Variants in NAP1L4 observed in about 807,000 individuals in gnomAD.
NAP1L4 encodes the protein nucleosome assembly protein 1 like 4.
In NAP1L4, 15 loss-of-function variants were observed where a neutral mutation model predicts 58.2. The ratio of observed to expected loss-of-function variants is 0.26; its 90% CI spans 0.17 to 0.40. The LOEUF (loss-of-function observed/expected upper bound fraction) is 0.40. Ranked by LOEUF, NAP1L4 falls within the 10% of genes least tolerant of loss-of-function variation. NAP1L4 has a pLI of 1.00. For synonymous variants in NAP1L4, 171 were observed against 155.6 expected (o/e 1.10, Z -0.74); for missense variants, 384 against 451.1 (o/e 0.85, Z 1.35).
chr11:2,981,020 A>T (rs1848269452), intron 1 of NAP1L4, among the ~76,000 whole-genome samples: 1 of 152,066 alleles, frequency 6.6e-6, no homozygotes, highest in African/African-American at 2.4e-5. Context: ...GTTGAAGCTC[A>T]GGAGTTTCAG....
At chr11:2,966,191 T>A (rs781721087) in intron 7 of NAP1L4, among the ~76,000 whole-genome samples, 4 of 152,346 alleles carry the variant, frequency 2.6e-5, no homozygotes, top group African/African-American at 9.6e-5. Context: ...TTTAGTTGTA[T>A]GTAATAATTG....
chr11:2,979,541 G>A (rs956860263), intron 1 of NAP1L4, among the ~76,000 whole-genome samples: 4 of 152,172 alleles, frequency 2.6e-5, no homozygotes, highest in Non-Finnish European at 4.4e-5. Flanking sequence ...GGGAGGCCGA[G>A]GTGGGTGGGT....
At chr11:2,950,372 A>G (rs1590217033) in intron 14 of NAP1L4, among the ~76,000 whole-genome samples, 2 of 152,378 alleles carry the variant, frequency 1.3e-5, no homozygotes, top group Admixed American at 1.3e-4. Flanking sequence ...TCATGGAAAC[A>G]GCCAGTTTAA....
intron 3 of NAP1L4, 32 bp from the exon 4 acceptor site, chr11:2,976,155 A>G (rs146576405): frequency 6.4e-7 from 1 of 1,554,714 alleles, no homozygotes; most frequent in African/African-American, 1.4e-5. Flanking sequence ...CATATTTAAA[A>G]TATGCCCACC....
rs371108964 is a variant in NAP1L4, at chr11:2,974,960, G to A, written c.173+1064C>T. ...GGAGAATCACTTGAACCCGGGAGGCGGAAGTTGCACTCCAGCCTGGATGAC... is the reference window on the plus strand; with the variant it reads ...GGAGAATCACTTGAACCCGGGAGGCAGAAGTTGCACTCCAGCCTGGATGAC... On this transcript the variant is annotated intron_variant, in intron 4 of 15. Coordinates refer to ENST00000380542, the MANE Select transcript of NAP1L4 (RefSeq NM_005969.4). 2.8e-4 allele frequency among the ~76,000 whole-genome samples: 42 copies of A among 151,958 alleles called. No homozygotes were observed. In the East Asian group the frequency reaches 5.4e-3, roughly 20 times the overall value.
intron 10 of NAP1L4, among the ~76,000 whole-genome samples, chr11:2,957,010 C>T (rs1846584278): frequency 6.6e-6 from 1 of 152,012 alleles, no homozygotes; most frequent in Admixed American, 6.6e-5. Flanking sequence ...AAATGTACAA[C>T]TTTATGACTT....
chr11:2,977,076 AACATGAAGC>A (rs1848007415), intron 3 of NAP1L4, among the ~76,000 whole-genome samples: 1 of 152,242 alleles, frequency 6.6e-6, no homozygotes, highest in Non-Finnish European at 1.5e-5. Context: ...CACAACCACT[AACATGAAGC>A]ACATGAAGTG....
chr11:2,957,478 C>T (rs1315568950), intron 10 of NAP1L4, among the ~76,000 whole-genome samples: 2 of 152,190 alleles, frequency 1.3e-5, no homozygotes, highest in African/African-American at 2.4e-5. Flanking sequence ...AGAAGAGATC[C>T]GCCCTGTGGC....
chr11:2,954,336 C>T lies in NAP1L4; in HGVS notation c.1035+191G>A, dbSNP rs968142725. The T allele has an allele frequency of 2.8e-5, 23 of 836,038 alleles. No homozygotes were observed. The highest frequency in any genetic ancestry group is 2.3e-4 in the South Asian group (15 of 66,082). The allele number at this position is 836,038 out of a possible 1,614,324, so 51.8% of individuals were successfully genotyped here. A position where few individuals can be genotyped will look rare whatever the true frequency, so the allele number is the denominator to read the frequency against. On this transcript the variant is annotated intron_variant, in intron 12 of 15. Transcript: ENST00000380542. This position sits in a 1 kb window ranked among gnomAD's most constrained non-coding sequence, Gnocchi z 4.8. ...GCTTCACAGACACCTGCTTTTCCTG[C>T]TCTGTTCCTCAGACTTCTCCTCTTC...
At chr11:2,983,832 A>G (rs1304162020) in intron 1 of NAP1L4, 1 of 151,844 alleles carries the variant, frequency 6.6e-6, no homozygotes, top group East Asian at 1.9e-4. Flanking sequence ...ACAACAAAAA[A>G]AACAAAATTA....
chr11:2,954,612 A>G lies in NAP1L4; in HGVS notation c.950T>C (p.Phe317Ser). ...CTCACGGAAAAAGTGTCCAATTTCA[A>G]AATCAGAGGCTAATGTGAATTCAGA... ...EDSEFTLASD[F>S]EIGHFFRERI... Residue 317 changes from phenylalanine (F) to serine (S), a missense_variant, in exon 12 of 16, where the codon TTT (phenylalanine) becomes TCT (serine). Around this residue, in one of 3 missense-constraint regions of NAP1L4, gnomAD observed 296 missense variants for 360.8 expected, o/e 0.82. Coordinates refer to ENST00000380542, the MANE Select transcript of NAP1L4 (RefSeq NM_005969.4). This position sits in a 1 kb window ranked among gnomAD's most constrained non-coding sequence, Gnocchi z 4.8. 6.2e-7 allele frequency: 1 copy of G among 1,614,212 alleles called. No individual in the cohort carries two copies. Among genetic ancestry groups the G allele is most frequent in the Non-Finnish European group, 8.5e-7 (1 of 1,180,050 alleles).
At position 2,954,283 on chromosome 11, in the gene NAP1L4, T is replaced by C. The variant is rs1396029152; in HGVS notation, c.1035+244A>G. The C allele has an allele frequency of 2.7e-5, 16 of 590,126 alleles. 1 individual carries two copies. The highest frequency in any genetic ancestry group is 3.9e-5 in the Non-Finnish European group (13 of 330,760). 36.6% of individuals were successfully genotyped at this position (590,126 alleles called of 1,614,324 possible). On this transcript the variant is annotated intron_variant, in intron 12 of 15. Transcript: ENST00000380542. The surrounding 1 kb of genome is among the most constrained non-coding windows in gnomAD (Gnocchi z 4.8). The stretch of plus-strand genomic sequence containing the variant: ...GTTGAGTCACTAGGCAGGGCTCACA[T>C]AGGAAACTGGCAATCACCTCTGAAA...
At chr11:2,957,027 C>T (rs770230555) in intron 10 of NAP1L4, among the ~76,000 whole-genome samples, 8 of 151,766 alleles carry the variant, frequency 5.3e-5, no homozygotes, top group Non-Finnish European at 1.0e-4. Context: ...ACTTTCAGTA[C>T]GTTAATTTTA....
At chr11:2,961,500 T>TC (rs1846903757) in intron 8 of NAP1L4, among the ~76,000 whole-genome samples, 1 of 113,542 alleles carries the variant, frequency 8.8e-6, no homozygotes, top group Non-Finnish European at 1.8e-5. Context: ...CCTCCACGGC[T>TC]TAAAAAAAAA....
rs957511300 is a variant in NAP1L4, at chr11:2,946,228, A to G, written c.*33-582T>C. On this transcript the variant is annotated intron_variant, in intron 15 of 15. Coordinates refer to ENST00000380542, the MANE Select transcript of NAP1L4 (RefSeq NM_005969.4). This position sits in a 1 kb window ranked among gnomAD's most constrained non-coding sequence, Gnocchi z 4.8. Reference sequence around the variant, plus strand: ...CTGCACCAACAAATGATGAGCTGCCACTCCCAAGAGCTCCATCTGTCACTC... The same window carrying G: ...CTGCACCAACAAATGATGAGCTGCCGCTCCCAAGAGCTCCATCTGTCACTC... Among the ~76,000 whole-genome samples, 1 of 152,008 alleles carries G rather than the reference A, an allele frequency of 6.6e-6. No individual in the cohort carries two copies. Among genetic ancestry groups the G allele is most frequent in the Non-Finnish European group, 1.5e-5 (1 of 68,000 alleles).
chr11:2,972,989 A>C (rs1364469124), intron 4 of NAP1L4, among the ~76,000 whole-genome samples: 1 of 152,184 alleles, frequency 6.6e-6, no homozygotes, highest in East Asian at 1.9e-4. Flanking sequence ...GAAAAAAAAA[A>C]ATTTATCCTA....
chr11:2,978,797 AAC>A (rs1248240145), intron 2 of NAP1L4, among the ~76,000 whole-genome samples: 1 of 152,232 alleles, frequency 6.6e-6, no homozygotes, highest in African/African-American at 2.4e-5. Flanking sequence ...TGAGCCATGA[AAC>A]AGTTTTTAAA....
chr11:2,975,874 C>T, intron 4 of NAP1L4, 150 bp downstream of exon 4: 1 of 677,888 alleles, frequency 1.5e-6, no homozygotes. Flanking sequence ...TAGGGTCACT[C>T]CTCTCATATC....
At position 2,954,470 on chromosome 11, in the gene NAP1L4, T is replaced by C; in HGVS notation, c.1035+57A>G. The C allele has an allele frequency of 1.2e-6, 2 of 1,611,786 alleles. No individual in the cohort carries two copies. The highest frequency in any genetic ancestry group is 1.7e-6 in the Non-Finnish European group (2 of 1,178,070). ...TTCCTAAGCCACAATTCAGGGCCAC[T>C]CTGCACCAACAGAGATAAGCACCCA... is the stretch of plus-strand genomic sequence containing the variant. On this transcript the variant is annotated intron_variant, in intron 12 of 15. Transcript: ENST00000380542. The surrounding 1 kb of genome is among the most constrained non-coding windows in gnomAD (Gnocchi z 4.8).
Sources: gnomAD v4.1 joint callset for allele counts (sites outside exome capture counted in the v4.1 genomes callset) on GRCh38, gnomAD v4.1.1 for gene constraint, gnomAD v4.1.1 regional missense constraint, Gnocchi (gnomAD v3.1) non-coding constraint, MANE v1.5 for transcripts, NCBI Gene and HGNC (gene_info 2026-07-23, HGNC 2026-07-21) for gene names.